Variants in GLIS3 observed in about 807,000 individuals in gnomAD.
GLIS3 encodes the protein GLIS family zinc finger 3, also known as zinc finger protein GLIS3.
Under a neutral mutation model 78.6 loss-of-function variants are expected in GLIS3, and 53 were observed. The ratio of observed to expected loss-of-function variants is 0.67; its 90% CI spans 0.54 to 0.85. The LOEUF (loss-of-function observed/expected upper bound fraction) is 0.85, where lower values mean the gene tolerates loss of function less well. Ranked by LOEUF, GLIS3 falls within the 40% of genes least tolerant of loss-of-function variation. GLIS3 has a pLI of 0.00. For missense variants in GLIS3, 1,703 were observed against 1,231.1 expected, an observed-to-expected ratio of 1.38 and a Z score of -5.74; for synonymous variants, 684 against 509.9, an observed-to-expected ratio of 1.34 and a Z score of -4.60.
intron 9 of GLIS3, among the ~76,000 whole-genome samples, chr9:3,830,067 G>A (rs144778265): frequency 3.4e-4 from 51 of 152,120 alleles, no homozygotes; most frequent in African/African-American, 1.2e-3. Flanking sequence ...TGCAGTAAAT[G>A]GAAAAACTGG....
intron 2 of GLIS3, among the ~76,000 whole-genome samples, chr9:4,247,001 T>G (rs1010906445): frequency 6.6e-6 from 1 of 152,230 alleles, no homozygotes; most frequent in African/African-American, 2.4e-5. Context: ...AGTGGTTGAA[T>G]TGTCTGTTCC....
At chr9:4,206,885 C>T (rs545381442) in intron 2 of GLIS3, among the ~76,000 whole-genome samples, 8 of 152,060 alleles carry the variant, frequency 5.3e-5, no homozygotes, top group Admixed American at 2.6e-4. Flanking sequence ...CTTGGCATAT[C>T]GCGCTGGGAG....
At chr9:4,061,783 A>G (rs1182465409) in intron 4 of GLIS3, among the ~76,000 whole-genome samples, 1 of 152,220 alleles carries the variant, frequency 6.6e-6, no homozygotes, top group Non-Finnish European at 1.5e-5. Context: ...TCTTTCTGCA[A>G]GCTTGTACTG....
the GLIS3 span, among the ~76,000 whole-genome samples, chr9:4,465,044 T>C: frequency 6.6e-6 from 1 of 152,216 alleles, no homozygotes; most frequent in Admixed American, 6.5e-5. Flanking sequence ...GACACATTTC[T>C]TCAGAAACTC....
At chr9:3,945,161 G>A (rs935067567) in intron 4 of GLIS3, among the ~76,000 whole-genome samples, 5 of 152,152 alleles carry the variant, frequency 3.3e-5, no homozygotes, top group South Asian at 2.1e-4. Flanking sequence ...CATCATACTC[G>A]AACCATAGCA....
chr9:4,382,527 A>G, the GLIS3 span, among the ~76,000 whole-genome samples: 4 of 152,086 alleles, frequency 2.6e-5, no homozygotes, highest in East Asian at 5.8e-4. Context: ...CTGAATTCCT[A>G]TGGTTCTTTT....
intron 2 of GLIS3, among the ~76,000 whole-genome samples, chr9:4,128,420 T>G (rs984108869): frequency 1.3e-5 from 2 of 152,246 alleles, no homozygotes; most frequent in African/African-American, 4.8e-5. Flanking sequence ...TTGAAGCATC[T>G]CTACTTCCTT....
Position 3,907,029 on chromosome 9 carries a change from C to T in GLIS3, c.1984-8194G>A, listed in dbSNP as rs193189549. ...CTGACCAGACCAGTCCACACTGGGC[C>T]TCTCAGGGTACAAGAAGAACTGCAG... On this transcript the variant is annotated intron_variant, in intron 6 of 10. Coordinates refer to ENST00000381971, the MANE Select transcript of GLIS3 (RefSeq NM_001042413.2). Among the ~76,000 whole-genome samples the T allele has an allele frequency of 6.5e-3, 992 of 152,222 alleles. 10 individuals carry two copies. Among genetic ancestry groups the T allele is most frequent in the Non-Finnish European group, 0.011 (726 of 68,012 alleles).
intron 4 of GLIS3, among the ~76,000 whole-genome samples, chr9:3,979,589 T>C (rs1392682742): frequency 1.3e-5 from 2 of 152,180 alleles, no homozygotes; most frequent in Non-Finnish European, 2.9e-5. Context: ...GGAAGCCTTC[T>C]TGGACCTCTT....
intron 2 of GLIS3, among the ~76,000 whole-genome samples, chr9:4,203,392 G>A (rs987150915): frequency 1.3e-5 from 2 of 152,184 alleles, no homozygotes; most frequent in South Asian, 2.1e-4. Flanking sequence ...ATGCAATTTC[G>A]TTTAGCAACT....
chr9:4,312,179 C>T (rs955213250), intron 2 of GLIS3, among the ~76,000 whole-genome samples: 8 of 152,154 alleles, frequency 5.3e-5, no homozygotes, highest in Admixed American at 3.9e-4. Flanking sequence ...AAGAAAGAAA[C>T]TTTACAGGCT....
intron 2 of GLIS3, among the ~76,000 whole-genome samples, chr9:4,285,322 C>T (rs1563897284): frequency 6.6e-6 from 1 of 152,088 alleles, no homozygotes; most frequent in African/African-American, 2.4e-5. Context: ...TTGCTATTCA[C>T]CAACAATTAT....
chr9:4,215,829 GT>G (rs759638770), intron 2 of GLIS3, among the ~76,000 whole-genome samples: 10 of 152,154 alleles, frequency 6.6e-5, no homozygotes, highest in Non-Finnish European at 1.3e-4. Flanking sequence ...CTTGGTTGGT[GT>G]TTGCCTGCCT....
the GLIS3 span, among the ~76,000 whole-genome samples, chr9:4,419,120 G>A: frequency 2.0e-5 from 3 of 152,172 alleles, no homozygotes; most frequent in Non-Finnish European, 4.4e-5. Context: ...ATTAGTTCAT[G>A]AGTTTTGCTT....
At chr9:4,088,137 G>C (rs1829200727) in intron 4 of GLIS3, among the ~76,000 whole-genome samples, 1 of 152,116 alleles carries the variant, frequency 6.6e-6, no homozygotes, top group Non-Finnish European at 1.5e-5. Flanking sequence ...CTTCTGAAAG[G>C]GAGAAAGAAT....
intron 4 of GLIS3, among the ~76,000 whole-genome samples, chr9:3,984,145 C>T (rs1479422216): frequency 6.6e-6 from 1 of 152,148 alleles, no homozygotes; most frequent in Non-Finnish European, 1.5e-5. Flanking sequence ...AGCCCCCACA[C>T]AAAGTCCCTC....
chr9:4,232,417 GAAAGAAAC>G (rs1209310157), intron 2 of GLIS3, among the ~76,000 whole-genome samples: 14 of 141,886 alleles, frequency 9.9e-5, no homozygotes, highest in African/African-American at 2.6e-4. Flanking sequence ...GAAAAAAAAA[GAAAGAAAC>G]AAAGAAACAA....
chr9:3,844,546 T>C (rs1818922659), intron 9 of GLIS3, among the ~76,000 whole-genome samples: 2 of 152,332 alleles, frequency 1.3e-5, no homozygotes, highest in South Asian at 4.1e-4. Context: ...TCTATAATAA[T>C]ATTAATTAAA....
Position 4,133,898 on chromosome 9 carries a change from C to T in GLIS3, c.389-7957G>A, listed in dbSNP as rs189842401. On this transcript the variant is annotated intron_variant, in intron 2 of 10. Coordinates refer to ENST00000381971, the MANE Select transcript of GLIS3 (RefSeq NM_001042413.2). The stretch of plus-strand genomic sequence containing the variant: ...CACCGTACATCTGTCCTCGCCTGAA[C>T]GGGATCCAGGTTTTATTTAGGCCAT... 1.3e-3 allele frequency among the ~76,000 whole-genome samples: 190 copies of T among 150,966 alleles called. 3 individuals carry two copies. Among genetic ancestry groups the T allele is most frequent in the African/African-American group, 4.1e-3 (169 of 41,164 alleles).
Sources: gnomAD v4.1 joint callset for allele counts (sites outside exome capture counted in the v4.1 genomes callset) on GRCh38, gnomAD v4.1.1 for gene constraint, MANE v1.5 for transcripts, NCBI Gene and HGNC (gene_info 2026-07-23, HGNC 2026-07-21) for gene names.